TAFA2: variants seen among roughly 807,000 people sequenced by gnomAD.
TAFA2 encodes the protein TAFA chemokine like family member 2.
In TAFA2, 7 loss-of-function variants were observed where a neutral mutation model predicts 18.8. That is an observed-to-expected ratio of 0.37 (90% CI 0.21 to 0.70). The LOEUF (loss-of-function observed/expected upper bound fraction) is 0.70. Among genes scored for constraint, TAFA2 ranks in the 30% least tolerant of loss-of-function variants. The pLI, the probability that TAFA2 is intolerant of heterozygous loss-of-function variation, is 0.53. For missense variants in TAFA2, 122 were observed against 158.1 expected, an observed-to-expected ratio of 0.77 and a Z score of 1.23; for synonymous variants, 60 against 54.2, an observed-to-expected ratio of 1.11 and a Z score of -0.47.
At chr12:62,205,995 C>T (rs187115409) in intron 1 of TAFA2, among the ~76,000 whole-genome samples, 1 of 152,278 alleles carries the variant, frequency 6.6e-6, no homozygotes, top group Admixed American at 6.5e-5. Context: ...ATGCGGCTCC[C>T]ACATGGGCTG....
intron 1 of TAFA2, among the ~76,000 whole-genome samples, chr12:61,979,618 A>G (rs1592527685): frequency 1.3e-5 from 2 of 152,240 alleles, no homozygotes; most frequent in Admixed American, 6.5e-5. Flanking sequence ...AATTGGATAA[A>G]GTATCATCAG....
chr12:61,953,220 C>T (rs1445627094), intron 1 of TAFA2, among the ~76,000 whole-genome samples: 1 of 152,044 alleles, frequency 6.6e-6, no homozygotes, highest in Non-Finnish European at 1.5e-5. Flanking sequence ...AAAACTGACA[C>T]TCCCCTTAAA....
Position 62,073,801 on chromosome 12 carries a change from C to T in TAFA2, c.-2+117458G>A, listed in dbSNP as rs1882694726. On this transcript the variant is annotated intron_variant, in intron 1 of 4. Coordinates refer to ENST00000416284, the MANE Select transcript of TAFA2 (RefSeq NM_178539.5). ...CTGACAGGCCATGAACCAAGTGGAC[C>T]CACATGGTACTGAGGTCTTCCTATG... Among the ~76,000 whole-genome samples, 3 of 152,066 alleles carry T rather than the reference C, an allele frequency of 2.0e-5. No individual in the cohort carries two copies. In the South Asian group the frequency reaches 6.2e-4, roughly 32 times the overall value.
chr12:62,137,117 G>C (rs957696366), intron 1 of TAFA2, among the ~76,000 whole-genome samples: 1 of 152,076 alleles, frequency 6.6e-6, no homozygotes, highest in South Asian at 2.1e-4. Context: ...CACCTATTTA[G>C]CAGAAAAGCT....
At chr12:62,022,374 G>A (rs1881171681) in intron 1 of TAFA2, among the ~76,000 whole-genome samples, 1 of 152,078 alleles carries the variant, frequency 6.6e-6, no homozygotes, top group Non-Finnish European at 1.5e-5. Flanking sequence ...TATATGTAAT[G>A]CCATTTTCTT....
chr12:62,111,971 C>T lies in TAFA2; in HGVS notation c.-2+79288G>A, dbSNP rs182240461. 2.0e-5 allele frequency among the ~76,000 whole-genome samples: 3 copies of T among 152,262 alleles called. No individual in the cohort carries two copies. The East Asian group carries it at 5.8e-4, about 29-fold the overall frequency. On this transcript the variant is annotated intron_variant, in intron 1 of 4. Coordinates refer to ENST00000416284, the MANE Select transcript of TAFA2 (RefSeq NM_178539.5). ...GCCAGTATGTGTCTTTTAATTAGGG[C>T]ATTTGGCTCATTTACATTTAAGGTT...
Position 61,973,135 on chromosome 12 carries a change from A to AT in TAFA2, c.-1-105710dup, listed in dbSNP as rs559048267. 5.5e-3 allele frequency among the ~76,000 whole-genome samples: 840 copies of AT among 151,770 alleles called. 3 individuals are homozygous for AT. Among genetic ancestry groups the AT allele is most frequent in the Non-Finnish European group, 9.5e-3 (644 of 67,748 alleles). ...GTTTTTATACACCTGTCAAAAATAGATTACAGGCACTGGCAGTAAAGGTCA... is the reference window on the plus strand; with the variant it reads ...GTTTTTATACACCTGTCAAAAATAGATTTACAGGCACTGGCAGTAAAGGTCA... On this transcript the variant is annotated intron_variant, in intron 1 of 4. Coordinates refer to ENST00000416284, the MANE Select transcript of TAFA2 (RefSeq NM_178539.5).
intron 1 of TAFA2, among the ~76,000 whole-genome samples, chr12:62,120,239 T>C (rs1870133128): frequency 6.6e-6 from 1 of 152,174 alleles, no homozygotes; most frequent in Admixed American, 6.6e-5. Flanking sequence ...TCTATGTCGT[T>C]CCACAACTGA....
upstream of TAFA2, among the ~76,000 whole-genome samples, chr12:62,194,055 T>A (rs1315487832): frequency 6.6e-6 from 1 of 152,210 alleles, no homozygotes; most frequent in African/African-American, 2.4e-5. Flanking sequence ...TCTCAGATAG[T>A]CTCTTTCAAA....
intron 1 of TAFA2, among the ~76,000 whole-genome samples, chr12:61,869,149 C>G (rs1000363759): frequency 6.6e-6 from 1 of 152,088 alleles, no homozygotes; most frequent in Non-Finnish European, 1.5e-5. Context: ...TCTCTGTGGA[C>G]CTTAGCCTCA....
intron 1 of TAFA2, among the ~76,000 whole-genome samples, chr12:62,244,523 G>T (rs2062876203): frequency 6.6e-6 from 1 of 152,120 alleles, no homozygotes. Flanking sequence ...AATAAATAAT[G>T]CTCTAATCAG....
intron 1 of TAFA2, among the ~76,000 whole-genome samples, chr12:62,104,277 A>T (rs11174320): frequency 4.2e-3 from 1 of 238 alleles, no homozygotes; most frequent in Non-Finnish European, 0.022. Flanking sequence ...CTTCTGAAGC[A>T]AAAAAAAAAA....
chr12:61,989,807 T>C (rs559418369), intron 1 of TAFA2, among the ~76,000 whole-genome samples: 2 of 152,252 alleles, frequency 1.3e-5, no homozygotes, highest in South Asian at 2.1e-4. Flanking sequence ...GAGGAAACGA[T>C]ACCAATTACC....
At chr12:62,050,238 G>A (rs1336862366) in intron 1 of TAFA2, among the ~76,000 whole-genome samples, 2 of 151,926 alleles carry the variant, frequency 1.3e-5, no homozygotes, top group Admixed American at 1.3e-4. Context: ...AATTATAATT[G>A]CCTCTCTCAC....
chr12:61,993,135 G>A (rs777152860), intron 1 of TAFA2, among the ~76,000 whole-genome samples: 2 of 152,114 alleles, frequency 1.3e-5, no homozygotes, highest in Non-Finnish European at 2.9e-5. Flanking sequence ...AACATTCTGC[G>A]CTCATTACTG....
intron 1 of TAFA2, among the ~76,000 whole-genome samples, chr12:62,231,955 C>T (rs1399889908): frequency 2.0e-5 from 3 of 152,140 alleles, no homozygotes; most frequent in Non-Finnish European, 4.4e-5. Context: ...TTATCCTCCA[C>T]CTTGGCATCC....
chr12:62,164,339 A>T (rs2062425473), intron 1 of TAFA2, among the ~76,000 whole-genome samples: 1 of 152,172 alleles, frequency 6.6e-6, no homozygotes, highest in African/African-American at 2.4e-5. Context: ...TACTCTGGAC[A>T]TCATAGTGCT....
At chr12:62,052,581 G>C (rs1323856971) in intron 1 of TAFA2, among the ~76,000 whole-genome samples, 1 of 152,080 alleles carries the variant, frequency 6.6e-6, no homozygotes, top group Non-Finnish European at 1.5e-5. Context: ...TCCTCTGCTT[G>C]CTCACCTTCA....
At chr12:62,211,782 T>G (rs2062715449) in intron 1 of TAFA2, among the ~76,000 whole-genome samples, 1 of 152,178 alleles carries the variant, frequency 6.6e-6, no homozygotes, top group African/African-American at 2.4e-5. Context: ...AGATATAGAT[T>G]AGACCAGTGG....
Sources: allele counts gnomAD v4.1 joint callset (sites outside exome capture counted in the v4.1 genomes callset), GRCh38; gene constraint gnomAD v4.1.1; transcripts MANE v1.5; gene names NCBI Gene and HGNC (gene_info 2026-07-23, HGNC 2026-07-21).